MACROD2: variants seen among roughly 807,000 people sequenced by gnomAD.
MACROD2 encodes ADP-ribose glycohydrolase MACROD2.
MACROD2 carries 36 observed loss-of-function variants against 70.4 expected under a neutral mutation model. The observed-to-expected ratio is 0.51, with a 90% CI of 0.39 to 0.68. The LOEUF (loss-of-function observed/expected upper bound fraction) is 0.68. Among genes scored for constraint, MACROD2 ranks in the 30% least tolerant of loss-of-function variants. MACROD2 has a pLI of 0.00. For synonymous variants in MACROD2, 172 were observed against 178.8 expected, an observed-to-expected ratio of 0.96 and a Z score of 0.30; for missense variants, 496 against 538.4, an observed-to-expected ratio of 0.92 and a Z score of 0.78.
intron 2 of MACROD2, among the ~76,000 whole-genome samples, chr20:14,020,651 C>T (rs1601121784): frequency 6.6e-6 from 1 of 152,018 alleles, no homozygotes. Context: ...TGTTGTTTTT[C>T]GTTTTATTTA....
intron 8 of MACROD2, among the ~76,000 whole-genome samples, chr20:15,607,927 C>T (rs1040749788): frequency 3.3e-5 from 5 of 152,184 alleles, no homozygotes; most frequent in African/African-American, 1.2e-4. Flanking sequence ...AAATCAATAT[C>T]CAGAGATGGA....
At chr20:15,951,682 C>A (rs540650204) in intron 12 of MACROD2, among the ~76,000 whole-genome samples, 28 of 152,252 alleles carry the variant, frequency 1.8e-4, no homozygotes, top group African/African-American at 6.7e-4. Context: ...TGCACACACA[C>A]CCTGTTTTGA....
chr20:14,112,575 G>C (rs1380057958), intron 3 of MACROD2, among the ~76,000 whole-genome samples: 1 of 151,804 alleles, frequency 6.6e-6, no homozygotes, highest in African/African-American at 2.4e-5. Flanking sequence ...AGAAATGTAT[G>C]CTTTATTTGT....
intron 8 of MACROD2, among the ~76,000 whole-genome samples, chr20:15,859,252 G>A (rs994555860): frequency 5.9e-5 from 9 of 152,062 alleles, no homozygotes; most frequent in African/African-American, 1.4e-4. Context: ...TTTCTCAGGG[G>A]TGGTAGAGGT....
At chr20:14,460,616 A>C (rs1259232378) in intron 3 of MACROD2, among the ~76,000 whole-genome samples, 1 of 152,026 alleles carries the variant, frequency 6.6e-6, no homozygotes, top group Non-Finnish European at 1.5e-5. Context: ...ATTTATTGTG[A>C]GTTTTTAGCA....
chr20:14,392,572 G>T (rs946164948), intron 3 of MACROD2, among the ~76,000 whole-genome samples: 1 of 152,108 alleles, frequency 6.6e-6, no homozygotes. Flanking sequence ...TTTAAAGATT[G>T]TGTGAACCTA....
At chr20:15,169,472 C>T (rs550522263) in intron 5 of MACROD2, among the ~76,000 whole-genome samples, 1 of 152,060 alleles carries the variant, frequency 6.6e-6, no homozygotes, top group South Asian at 2.1e-4. Flanking sequence ...GGCTAAGGGG[C>T]CACCGTTTTT....
At chr20:15,796,475 A>G (rs2063675117) in intron 8 of MACROD2, among the ~76,000 whole-genome samples, 1 of 152,246 alleles carries the variant, frequency 6.6e-6, no homozygotes, top group African/African-American at 2.4e-5. Context: ...AGTTTTGAGT[A>G]TGCAATTAAA....
intron 8 of MACROD2, among the ~76,000 whole-genome samples, chr20:15,717,873 A>G (rs1408163859): frequency 6.6e-6 from 1 of 152,168 alleles, no homozygotes; most frequent in Non-Finnish European, 1.5e-5. Context: ...AGTGAACAGA[A>G]GCAATAGCTG....
At chr20:14,462,445 G>A (rs2084383829) in intron 3 of MACROD2, among the ~76,000 whole-genome samples, 1 of 152,100 alleles carries the variant, frequency 6.6e-6, no homozygotes, top group African/African-American at 2.4e-5. Context: ...CCCTTTGTCA[G>A]TTGAGTAGAT....
At chr20:15,049,576 A>T (rs1335882642) in intron 5 of MACROD2, among the ~76,000 whole-genome samples, 1 of 152,188 alleles carries the variant, frequency 6.6e-6, no homozygotes, top group Non-Finnish European at 1.5e-5. Flanking sequence ...GGGCAACCAG[A>T]TATAGTCAAG....
intron 6 of MACROD2, among the ~76,000 whole-genome samples, chr20:15,239,000 C>T (rs6043148): frequency 6.6e-6 from 1 of 152,088 alleles, no homozygotes; most frequent in East Asian, 1.9e-4. Flanking sequence ...TTTCCCTGAC[C>T]TGAGCGGCAG....
At chr20:14,119,723 A>G (rs1601245262) in intron 3 of MACROD2, among the ~76,000 whole-genome samples, 1 of 152,204 alleles carries the variant, frequency 6.6e-6, no homozygotes, top group African/African-American at 2.4e-5. Context: ...CCTTAATGCT[A>G]CAAAGGAAAG....
At chr20:14,423,604 G>A (rs2083899618) in intron 3 of MACROD2, among the ~76,000 whole-genome samples, 1 of 150,074 alleles carries the variant, frequency 6.7e-6, no homozygotes, top group African/African-American at 2.4e-5. Flanking sequence ...GGAGGCTGAG[G>A]CAGGAGAATG....
chr20:14,788,027 T>A (rs1346077703), intron 5 of MACROD2, among the ~76,000 whole-genome samples: 3 of 152,084 alleles, frequency 2.0e-5, no homozygotes, highest in Non-Finnish European at 4.4e-5. Flanking sequence ...GACAGGTAAG[T>A]CCAGGCATCA....
chr20:15,202,019 G>A (rs1371100091), intron 5 of MACROD2, among the ~76,000 whole-genome samples: 4 of 152,154 alleles, frequency 2.6e-5, no homozygotes, highest in African/African-American at 9.7e-5. Context: ...TATTATTTTG[G>A]TGGTCATAAG....
chr20:14,423,665 A>C (rs2122902432), intron 3 of MACROD2, among the ~76,000 whole-genome samples: 1 of 125,896 alleles, frequency 7.9e-6, no homozygotes, highest in African/African-American at 3.0e-5. Context: ...GCCTCACTGC[A>C]CTCCAGCCTG....
At chr20:15,557,517 T>A (rs1003049732) in intron 8 of MACROD2, among the ~76,000 whole-genome samples, 4 of 152,150 alleles carry the variant, frequency 2.6e-5, no homozygotes, top group Non-Finnish European at 5.9e-5. Context: ...GACACACAGA[T>A]TTAGCAAGCT....
chr20:14,505,217 T>A (rs1276973793), intron 4 of MACROD2, among the ~76,000 whole-genome samples: 1 of 152,214 alleles, frequency 6.6e-6, no homozygotes, highest in African/African-American at 2.4e-5. Context: ...GTCTTTCTAA[T>A]GAAGATGATA....
Sources: gnomAD v4.1 joint callset for allele counts (sites outside exome capture counted in the v4.1 genomes callset) on GRCh38, gnomAD v4.1.1 for gene constraint, MANE v1.5 for transcripts, NCBI Gene and HGNC (gene_info 2026-07-23, HGNC 2026-07-21) for gene names.